ZNHIT3: variants seen among roughly 807,000 people sequenced by gnomAD.
The protein encoded by ZNHIT3 is zinc finger HIT-type containing 3, also known as zinc finger HIT domain-containing protein 3.
A neutral mutation model predicts 19.9 loss-of-function variants in ZNHIT3; 27 were observed. That is an observed-to-expected ratio of 1.36 (90% CI 1.00 to 1.87). The LOEUF is 1.87. Among genes scored for constraint, ZNHIT3 ranks in the 40% most tolerant of loss-of-function variants. The probability of loss-of-function intolerance (pLI) is 0.00; values close to 1 mark genes in which losing one functional copy is unlikely to be tolerated. For missense variants in ZNHIT3, 215 were observed against 185.6 expected (o/e 1.16, Z -0.92); for synonymous variants, 81 against 65.7 (o/e 1.23, Z -1.13).
At chr17:36,495,890 G>A (rs1328323250), downstream of ZNHIT3, 4 of 1,225,704 alleles carry the variant, frequency 3.3e-6, no homozygotes, top group African/African-American at 6.2e-5. Flanking sequence ...GCCAATTTTA[G>A]GCCAACTTTG....
downstream of ZNHIT3, chr17:36,496,116 G>T: frequency 7.9e-7 from 1 of 1,258,702 alleles, no homozygotes; most frequent in Non-Finnish European, 1.1e-6. Flanking sequence ...GCTCTGGGTC[G>T]AAGGCTGGAG....
intron 2 of ZNHIT3, chr17:36,489,671 C>T (rs983769767): frequency 1.3e-5 from 2 of 151,666 alleles, no homozygotes; most frequent in Non-Finnish European, 2.9e-5. Flanking sequence ...TCTTGTCGCC[C>T]GGGCTGGAGT....
downstream of ZNHIT3, chr17:36,498,692 G>T: frequency 1.9e-6 from 2 of 1,040,680 alleles, no homozygotes; most frequent in Non-Finnish European, 1.4e-6. Flanking sequence ...ACAGCTGGCT[G>T]CCCTGAACCA....
chr17:36,495,329 G>GC lies in ZNHIT3; in HGVS notation c.394dup (p.Gln132ProfsTer22), dbSNP rs2070878726. ...AAGCAAAGCTCATGAGAGCTTACAT[G>GC]CAAGAGCCTTTGTTTGTGGAGTTTG... On this transcript the variant is annotated frameshift_variant, in exon 5 of 5. Coordinates refer to ENST00000617429, the MANE Select transcript of ZNHIT3 (RefSeq NM_004773.4). LOFTEE classifies it high-confidence loss of function. The GC allele has an allele frequency of 6.2e-7, 1 of 1,613,436 alleles. No homozygotes were observed. The highest frequency in any genetic ancestry group is 8.5e-7 in the Non-Finnish European group (1 of 1,179,918).
At chr17:36,489,673 G>A (rs530826773) in intron 2 of ZNHIT3, 1 of 151,576 alleles carries the variant, frequency 6.6e-6, no homozygotes, top group South Asian at 2.1e-4. Context: ...TTGTCGCCCG[G>A]GCTGGAGTAC....
In ZNHIT3 at chr17:36,495,293, G is replaced by A; in HGVS notation, c.357G>A (p.Gln119=). The change falls in exon 5 of 5, where the codon CAG becomes CAA. Residue 119 remains glutamine (Q), a synonymous_variant. Transcript: ENST00000617429. ...HLRQLMVNLD[Q]GEDKAKLMRA... ...GGCAGTTGATGGTCAACCTCGATCA[G>A]GGAGAAGACAAAGCAAAGCTCATGA... 1 of 1,613,834 alleles carries A rather than the reference G, an allele frequency of 6.2e-7. No homozygotes were observed. The highest frequency in any genetic ancestry group is 8.5e-7 in the Non-Finnish European group (1 of 1,179,974).
intron 2 of ZNHIT3, among the ~76,000 whole-genome samples, chr17:36,487,243 T>G (rs774551556): frequency 6.6e-6 from 1 of 152,160 alleles, no homozygotes; most frequent in African/African-American, 2.4e-5. Flanking sequence ...TCTTTTTTGC[T>G]TAGAAATAGT....
downstream of ZNHIT3, chr17:36,498,360 G>A: frequency 6.2e-7 from 1 of 1,614,002 alleles, no homozygotes; most frequent in Non-Finnish European, 8.5e-7. Context: ...CTGGAGGCAA[G>A]CCCAGACCAC....
intron 2 of ZNHIT3, among the ~76,000 whole-genome samples, chr17:36,487,243 T>C (rs774551556): frequency 2.0e-5 from 3 of 152,160 alleles, no homozygotes; most frequent in Non-Finnish European, 2.9e-5. Context: ...TCTTTTTTGC[T>C]TAGAAATAGT....
chr17:36,499,227 C>A, downstream of ZNHIT3: 1 of 1,154,642 alleles, frequency 8.7e-7, no homozygotes, highest in Non-Finnish European at 1.3e-6. Flanking sequence ...AGTGACCTCG[C>A]TGCAGCAGCA....
chr17:36,488,609 G>A (rs571084141), intron 2 of ZNHIT3, among the ~76,000 whole-genome samples: 8 of 152,202 alleles, frequency 5.3e-5, no homozygotes, highest in Admixed American at 4.6e-4. Flanking sequence ...CTGACTTAAA[G>A]GACTGTATGT....
chr17:36,491,996 CTA>C (rs1350855362), intron 2 of ZNHIT3: 1 of 152,246 alleles, frequency 6.6e-6, no homozygotes, highest in African/African-American at 2.4e-5. Context: ...CATTGAGCCA[CTA>C]TGTATCTCAC....
chr17:36,496,555 C>T (rs2070996025), downstream of ZNHIT3: 2 of 721,802 alleles, frequency 2.8e-6, no homozygotes, highest in Admixed American at 5.3e-5. Flanking sequence ...GCATTACATC[C>T]ACTCAGTGTG....
At chr17:36,493,883 C>T (rs376880881) in intron 3 of ZNHIT3, 43 bp from the exon 4 acceptor site, 21 of 1,441,420 alleles carry the variant, frequency 1.5e-5, no homozygotes, top group Middle Eastern at 1.7e-4. Flanking sequence ...GTGCCCAGGC[C>T]TCCTTTTTAG....
rs1156962674 is a variant in ZNHIT3, at chr17:36,495,422, C to T, written c.*18C>T. On this transcript the variant is annotated 3_prime_UTR_variant, in exon 5 of 5. Coordinates refer to ENST00000617429, the MANE Select transcript of ZNHIT3 (RefSeq NM_004773.4). ...AGTCTTAAGATGGATTATTGTGCTG[C>T]TTGCTCAAGCGTGTGCTTGACTCCT... 1.3e-6 allele frequency: 2 copies of T among 1,572,760 alleles called. No homozygotes were observed. The highest frequency in any genetic ancestry group is 2.3e-5 in the East Asian group (1 of 43,702).
chr17:36,488,175 T>C (rs943429924), intron 2 of ZNHIT3, among the ~76,000 whole-genome samples: 4 of 152,094 alleles, frequency 2.6e-5, no homozygotes. Context: ...CTTTTTTTTT[T>C]AGCTTTTAGA....
intron 3 of ZNHIT3, among the ~76,000 whole-genome samples, chr17:36,493,712 AC>A (rs1214115661): frequency 6.6e-6 from 1 of 152,248 alleles, no homozygotes; most frequent in Non-Finnish European, 1.5e-5. Context: ...TGTTAAAATC[AC>A]CAATTCTTTC....
chr17:36,496,534 G>A (rs752007327), downstream of ZNHIT3: 2 of 817,596 alleles, frequency 2.4e-6, no homozygotes, highest in South Asian at 1.8e-5. Context: ...GGCCACAGCA[G>A]GATTAAAATA....
chr17:36,493,750 A>T (rs2070780925), intron 3 of ZNHIT3, among the ~76,000 whole-genome samples, 176 bp from the exon 4 acceptor site: 1 of 152,184 alleles, frequency 6.6e-6, no homozygotes, highest in Non-Finnish European at 1.5e-5. Flanking sequence ...CTAAAAAAGG[A>T]GTGTTAGTAT....
Sources: allele counts gnomAD v4.1 joint callset (sites outside exome capture counted in the v4.1 genomes callset), GRCh38; gene constraint gnomAD v4.1.1; transcripts MANE v1.5; gene names NCBI Gene and HGNC (gene_info 2026-07-23, HGNC 2026-07-21).